NEDD4L: variants seen among roughly 807,000 people sequenced by gnomAD.
The protein encoded by NEDD4L is E3 ubiquitin-protein ligase NEDD4-like.
NEDD4L carries 54 observed loss-of-function variants against 148.9 expected under a neutral mutation model. The ratio of observed to expected loss-of-function variants is 0.36; its 90% CI spans 0.29 to 0.45. The LOEUF (loss-of-function observed/expected upper bound fraction) is 0.45. Ranked by LOEUF, NEDD4L falls within the 20% of genes least tolerant of loss-of-function variation. The pLI, the probability that NEDD4L is intolerant of heterozygous loss-of-function variation, is 1.00. For missense variants in NEDD4L, 856 were observed against 1,233.8 expected (o/e 0.69, Z 4.59); for synonymous variants, 433 against 440.7 (o/e 0.98, Z 0.22).
At chr18:58,245,400 T>A in intron 2 of NEDD4L, 27 bp from the exon 3 acceptor site, 1 of 1,110,160 alleles carries the variant, frequency 9.0e-7, no homozygotes, top group Non-Finnish European at 1.3e-6. Flanking sequence ...AGTATAATCC[T>A]ATTAAATCTA....
At chr18:58,250,264 C>G (rs926947215) in intron 4 of NEDD4L, among the ~76,000 whole-genome samples, 1 of 152,074 alleles carries the variant, frequency 6.6e-6, no homozygotes, top group Non-Finnish European at 1.5e-5. Context: ...ATTCTCCTGC[C>G]TCAACCTCCT....
rs540036633 is a variant in NEDD4L at position 58,215,086 on chromosome 18, A to G, written c.123-30341A>G. Among the ~76,000 whole-genome samples the G allele has an allele frequency of 1.2e-4, 18 of 152,278 alleles. 1 individual carries two copies. The South Asian group carries it at 3.7e-3, about 32-fold the overall frequency. On this transcript the variant is annotated intron_variant, in intron 2 of 30. Coordinates refer to ENST00000400345, the MANE Select transcript of NEDD4L (RefSeq NM_001144967.3). ...CTTGGCTTCCCAAAGTGCTAGGATT[A>G]CAGGCGTGAGCCACCATACCCAGCC...
In NEDD4L at chr18:58,065,250, G is replaced by A. The variant is rs73959472; in HGVS notation, c.48+20542G>A. 4.5e-3 allele frequency among the ~76,000 whole-genome samples: 686 copies of A among 152,226 alleles called. 4 individuals carry two copies. The highest frequency in any genetic ancestry group is 0.016 in the African/African-American group (658 of 41,546). ...CCTGCTCTTTCCAATCTTTAGCAAC[G>A]TTTTTTTCATTGTCACCATCAGATG... On this transcript the variant is annotated intron_variant, in intron 1 of 30. Transcript: ENST00000400345.
intron 5 of NEDD4L, among the ~76,000 whole-genome samples, chr18:58,301,691 G>A (rs2056480026): frequency 6.6e-6 from 1 of 152,322 alleles, no homozygotes; most frequent in Non-Finnish European, 1.5e-5. Context: ...GGAGCAGCCT[G>A]TGTTTTTTCA....
In NEDD4L at chr18:58,226,763, C is replaced by G. The variant is rs1453809081; in HGVS notation, c.123-18664C>G. ...CCTCTCATCTCATGAGGCCTCACTG[C>G]TACAGCTGACAGAGATGACATCCAG... is the stretch of plus-strand genomic sequence containing the variant. On this transcript the variant is annotated intron_variant, in intron 2 of 30. Transcript: ENST00000400345. 3.3e-5 allele frequency among the ~76,000 whole-genome samples: 5 copies of G among 152,318 alleles called. No homozygotes were observed. In the East Asian group the frequency reaches 9.6e-4, roughly 29 times the overall value.
chr18:58,302,035 T>C (rs1185050261), intron 5 of NEDD4L, among the ~76,000 whole-genome samples: 4 of 152,242 alleles, frequency 2.6e-5, no homozygotes. Context: ...TAACTGAAGC[T>C]CCTGGGTTAG....
chr18:58,055,672 A>G (rs961859276), intron 1 of NEDD4L, among the ~76,000 whole-genome samples: 8 of 152,236 alleles, frequency 5.3e-5, no homozygotes, highest in South Asian at 2.1e-4. Context: ...AGCAAGGACT[A>G]TTTTAAGGAA....
At chr18:58,153,242 G>A (rs950047004) in intron 1 of NEDD4L, among the ~76,000 whole-genome samples, 1 of 152,022 alleles carries the variant, frequency 6.6e-6, no homozygotes, top group Non-Finnish European at 1.5e-5. Flanking sequence ...AGTTGTAGAG[G>A]GACCTACAGT....
chr18:58,253,154 C>T (rs752365609), intron 5 of NEDD4L, among the ~76,000 whole-genome samples: 3 of 152,090 alleles, frequency 2.0e-5, no homozygotes, highest in Non-Finnish European at 4.4e-5. Context: ...AATAGCTGGA[C>T]GTTAATAGAA....
At chr18:58,324,887 C>A in intron 8 of NEDD4L, 109 bp from the exon 9 acceptor site, 1 of 1,014,226 alleles carries the variant, frequency 9.9e-7, no homozygotes, top group Non-Finnish European at 1.4e-6. Context: ...ATGGCTAGAG[C>A]CAGAGAGCCC....
chr18:58,241,062 G>A (rs974176162), intron 2 of NEDD4L, among the ~76,000 whole-genome samples: 2 of 151,994 alleles, frequency 1.3e-5, no homozygotes, highest in Admixed American at 6.6e-5. Flanking sequence ...TGCCCACCCC[G>A]GCCTTCCAAA....
chr18:58,235,277 A>G (rs1230467405), intron 2 of NEDD4L, among the ~76,000 whole-genome samples: 1 of 151,986 alleles, frequency 6.6e-6, no homozygotes, highest in Non-Finnish European at 1.5e-5. Flanking sequence ...CACTGCTAAC[A>G]GGTTTTATTG....
At chr18:58,276,310 GTGA>G (rs1469912685) in intron 5 of NEDD4L, among the ~76,000 whole-genome samples, 1 of 150,354 alleles carries the variant, frequency 6.7e-6, no homozygotes, top group Admixed American at 6.7e-5. Flanking sequence ...CCAGGTTCAA[GTGA>G]TTCTCCTGCC....
chr18:58,312,140 CA>C (rs1338170940), intron 5 of NEDD4L, among the ~76,000 whole-genome samples: 3 of 152,218 alleles, frequency 2.0e-5, no homozygotes, highest in Admixed American at 2.0e-4. Context: ...GGACACGTTT[CA>C]GGGGCTCCAT....
intron 5 of NEDD4L, among the ~76,000 whole-genome samples, chr18:58,276,041 A>G (rs986849844): frequency 2.0e-5 from 3 of 152,182 alleles, no homozygotes; most frequent in African/African-American, 7.2e-5. Flanking sequence ...GACACTTTTT[A>G]AACCAAACAT....
At chr18:58,282,484 A>G (rs895613257) in intron 5 of NEDD4L, among the ~76,000 whole-genome samples, 3 of 152,268 alleles carry the variant, frequency 2.0e-5, no homozygotes, top group Non-Finnish European at 4.4e-5. Context: ...AAGATAAGTC[A>G]GTACTTTTTG....
intron 2 of NEDD4L, among the ~76,000 whole-genome samples, chr18:58,225,820 T>G (rs2044287150): frequency 6.6e-6 from 1 of 152,172 alleles, no homozygotes; most frequent in Non-Finnish European, 1.5e-5. Flanking sequence ...AGTCAACTGA[T>G]AATAGAATTA....
chr18:58,348,457 G>A (rs1196745965), intron 16 of NEDD4L, among the ~76,000 whole-genome samples: 4 of 144,648 alleles, frequency 2.8e-5, no homozygotes, highest in South Asian at 2.3e-4. Context: ...TCAGCCTCCC[G>A]AGTAGCTGGG....
chr18:58,357,252 G>T lies in NEDD4L; in HGVS notation c.1767G>T (p.Pro589=). The change falls in exon 19 of 31, where the codon CCG becomes CCT. Residue 589 remains proline, a splice_region_variant and synonymous_variant. Transcript: ENST00000400345. ...TGCAGAACCCAGCTATTACTGGTCC[G>T]GTCAGTATTTTCAAATTCTGCCTCT... ...PRLQNPAITG[P]AVPYSREFKQ... is the part of the protein sequence containing the mutation. The T allele has an allele frequency of 6.2e-7, 1 of 1,611,762 alleles. No homozygotes were observed. Among genetic ancestry groups the T allele is most frequent in the Non-Finnish European group, 8.5e-7 (1 of 1,178,430 alleles).
Sources: allele counts gnomAD v4.1 joint callset (sites outside exome capture counted in the v4.1 genomes callset), GRCh38; gene constraint gnomAD v4.1.1; transcripts MANE v1.5; gene names NCBI Gene and HGNC (gene_info 2026-07-23, HGNC 2026-07-21).